The following SLC25A21 variants were observed in gnomAD, a reference collection of about 807,000 sequenced individuals.
The protein encoded by SLC25A21 is solute carrier family 25 member 21, also known as mitochondrial 2-oxodicarboxylate carrier.
A neutral mutation model predicts 43.8 loss-of-function variants in SLC25A21; 47 were observed. The observed-to-expected ratio is 1.07, with a 90% CI of 0.85 to 1.37. The LOEUF is 1.37. Among genes scored for constraint, SLC25A21 ranks in the 40% most tolerant of loss-of-function variants. SLC25A21 has a pLI of 0.00. For missense variants in SLC25A21, 352 were observed against 350.2 expected (o/e 1.00, Z -0.04); for synonymous variants, 131 against 121.3 (o/e 1.08, Z -0.52).
At chr14:36,928,349 A>C (rs1413070123) in intron 1 of SLC25A21, among the ~76,000 whole-genome samples, 1 of 152,200 alleles carries the variant, frequency 6.6e-6, no homozygotes, top group Non-Finnish European at 1.5e-5. Flanking sequence ...TTTAAATAAA[A>C]TGTGGTTAAT....
At chr14:37,062,525 TGAA>T (rs1555344718) in intron 1 of SLC25A21, among the ~76,000 whole-genome samples, 1 of 152,114 alleles carries the variant, frequency 6.6e-6, no homozygotes, top group Non-Finnish European at 1.5e-5. Context: ...TTTTATCACA[TGAA>T]GAGCAGTATG....
At chr14:37,131,681 G>A (rs1963393779) in intron 1 of SLC25A21, among the ~76,000 whole-genome samples, 1 of 152,138 alleles carries the variant, frequency 6.6e-6, no homozygotes, top group Non-Finnish European at 1.5e-5. Context: ...AACGGTCTTT[G>A]TTTTTTATCT....
At chr14:36,858,130 C>T (rs956311804) in intron 2 of SLC25A21, among the ~76,000 whole-genome samples, 5 of 152,126 alleles carry the variant, frequency 3.3e-5, no homozygotes, top group Admixed American at 2.0e-4. Context: ...AAAACACCCT[C>T]TTTTTCCCTA....
At chr14:36,996,715 G>A (rs1464870828) in intron 1 of SLC25A21, among the ~76,000 whole-genome samples, 1 of 152,148 alleles carries the variant, frequency 6.6e-6, no homozygotes, top group Non-Finnish European at 1.5e-5. Context: ...AGTGGATGGA[G>A]AGGGAGAGTG....
chr14:36,826,720 T>G (rs2138471817), intron 2 of SLC25A21, among the ~76,000 whole-genome samples: 1 of 152,284 alleles, frequency 6.6e-6, no homozygotes, highest in East Asian at 1.9e-4. Flanking sequence ...GTCAGAGAGT[T>G]GAGGTTCAAA....
intron 1 of SLC25A21, among the ~76,000 whole-genome samples, chr14:36,892,899 T>G (rs959174904): frequency 6.6e-6 from 1 of 152,178 alleles, no homozygotes; most frequent in Non-Finnish European, 1.5e-5. Flanking sequence ...TATGGCTGCA[T>G]AGTATTCCAT....
At chr14:37,062,934 T>C (rs1327915368) in intron 1 of SLC25A21, among the ~76,000 whole-genome samples, 1 of 152,024 alleles carries the variant, frequency 6.6e-6, no homozygotes, top group Non-Finnish European at 1.5e-5. Context: ...GACCGGGTAA[T>C]TTATAAAGGA....
intron 1 of SLC25A21, among the ~76,000 whole-genome samples, chr14:37,145,476 C>CACAGAG (rs780734735): frequency 0.021 from 2,981 of 143,570 alleles, 36 homozygotes; most frequent in Non-Finnish European, 0.023. Flanking sequence ...CACACACACA[C>CACAGAG]AGAGAGATGA....
At chr14:36,701,049 G>A (rs1338653395) in intron 7 of SLC25A21, among the ~76,000 whole-genome samples, 1 of 152,158 alleles carries the variant, frequency 6.6e-6, no homozygotes, top group Non-Finnish European at 1.5e-5. Context: ...ATAGGTCCAA[G>A]TCAGCTTACA....
chr14:37,078,309 T>C (rs993431006), intron 1 of SLC25A21, among the ~76,000 whole-genome samples: 42 of 152,340 alleles, frequency 2.8e-4, no homozygotes, highest in African/African-American at 9.6e-4. Context: ...ACTTCCCTAG[T>C]TGAGCTGACC....
intron 2 of SLC25A21, among the ~76,000 whole-genome samples, chr14:36,855,226 C>T (rs1022731647): frequency 2.6e-5 from 4 of 151,408 alleles, no homozygotes; most frequent in Non-Finnish European, 2.9e-5. Context: ...GACTTCCTGA[C>T]GCTTAGGCAT....
chr14:37,031,835 T>C (rs927406404), intron 1 of SLC25A21, among the ~76,000 whole-genome samples: 3 of 152,184 alleles, frequency 2.0e-5, no homozygotes, highest in African/African-American at 7.2e-5. Context: ...ACACAACTGG[T>C]TGGGAGATGA....
Position 36,966,745 on chromosome 14 carries a change from C to G in SLC25A21, c.71-91741G>C, listed in dbSNP as rs371693019. Among the ~76,000 whole-genome samples the G allele has an allele frequency of 2.6e-5, 4 of 152,310 alleles. No homozygotes were observed. The East Asian group carries it at 7.7e-4, about 29-fold the overall frequency. On this transcript the variant is annotated intron_variant, in intron 1 of 9. Coordinates refer to ENST00000331299, the MANE Select transcript of SLC25A21 (RefSeq NM_030631.4). ...AATTGTGGCAGTAGAATTCTTTCTT[C>G]TATTGAAATTAAAGCATTCTAAAAC...
At chr14:36,849,756 C>G (rs578171697) in intron 2 of SLC25A21, among the ~76,000 whole-genome samples, 2 of 152,244 alleles carry the variant, frequency 1.3e-5, no homozygotes, top group South Asian at 2.1e-4. Flanking sequence ...CTGCTTATTT[C>G]CTGCTAAAAC....
chr14:36,859,504 C>G (rs573888978), intron 2 of SLC25A21, among the ~76,000 whole-genome samples: 1 of 152,150 alleles, frequency 6.6e-6, no homozygotes, highest in Non-Finnish European at 1.5e-5. Flanking sequence ...TAGTCTAGGG[C>G]GGAGGGTCAT....
At chr14:37,095,845 A>ACACACAC (rs1175447694) in intron 1 of SLC25A21, among the ~76,000 whole-genome samples, 106 of 21,804 alleles carry the variant, frequency 4.9e-3, no homozygotes, top group South Asian at 8.1e-3. Context: ...CACACACACA[A>ACACACAC]AAAACACCTT....
intron 3 of SLC25A21, among the ~76,000 whole-genome samples, chr14:36,747,369 A>G (rs1042022389): frequency 2.0e-5 from 3 of 152,218 alleles, no homozygotes; most frequent in African/African-American, 7.2e-5. Context: ...GAGCAAATTA[A>G]TTCCACTGCA....
intron 1 of SLC25A21, among the ~76,000 whole-genome samples, chr14:37,093,303 C>T (rs2138853812): frequency 6.6e-6 from 1 of 152,292 alleles, no homozygotes; most frequent in Admixed American, 6.5e-5. Context: ...CTGCTCACCC[C>T]ACAATGCAGA....
At chr14:37,052,147 T>G (rs1035972919) in intron 1 of SLC25A21, among the ~76,000 whole-genome samples, 2 of 152,214 alleles carry the variant, frequency 1.3e-5, no homozygotes, top group African/African-American at 4.8e-5. Context: ...AAATTTCCCT[T>G]AATAGGATAA....
Sources: allele counts gnomAD v4.1 joint callset (sites outside exome capture counted in the v4.1 genomes callset), GRCh38; gene constraint gnomAD v4.1.1; transcripts MANE v1.5; gene names NCBI Gene and HGNC (gene_info 2026-07-23, HGNC 2026-07-21).